TACC1: variants seen among roughly 807,000 people sequenced by gnomAD.
TACC1 encodes the protein transforming acidic coiled-coil-containing protein 1.
A neutral mutation model predicts 84.4 loss-of-function variants in TACC1; 48 were observed. That is an observed-to-expected ratio of 0.57 (90% CI 0.45 to 0.72). The LOEUF (loss-of-function observed/expected upper bound fraction) is 0.72. Ranked by LOEUF, TACC1 falls within the 30% of genes least tolerant of loss-of-function variation. TACC1 has a pLI of 0.00. For missense variants in TACC1, 920 were observed against 973.0 expected, an observed-to-expected ratio of 0.95 and a Z score of 0.72; for synonymous variants, 372 against 376.3, an observed-to-expected ratio of 0.99 and a Z score of 0.13.
chr8:38,787,879 G>A, intron 1 of TACC1, 136 bp downstream of exon 1: 2 of 841,196 alleles, frequency 2.4e-6, no homozygotes, highest in South Asian at 2.0e-5. Flanking sequence ...CCGGAGCCGG[G>A]TCCCCGTGTG....
At chr8:38,729,226 T>C (rs1362928119) in intron 1 of TACC1, among the ~76,000 whole-genome samples, 8 of 152,174 alleles carry the variant, frequency 5.3e-5, no homozygotes, top group Admixed American at 5.2e-4. Context: ...CCCACTGCCA[T>C]AGGGACAACT....
rs1282508580 is a variant in TACC1 at position 38,852,432 on chromosome 8, C to T, written c.*4409C>T. 6.5e-6 allele frequency: 1 copy of T among 152,968 alleles called. No homozygotes were observed. The highest frequency in any genetic ancestry group is 6.5e-5 in the Admixed American group (1 of 15,414). 9.5% of individuals were successfully genotyped at this position (152,968 alleles called of 1,614,324 possible). A position where few individuals can be genotyped will look rare whatever the true frequency, so the allele number is the denominator to read the frequency against. On this transcript the variant is annotated 3_prime_UTR_variant, in exon 13 of 13. Coordinates refer to ENST00000317827, the MANE Select transcript of TACC1 (RefSeq NM_006283.3). ...TTAATTTAGAACTGTCAAGATGTCA[C>T]TTTCTCCCCCTCTGCCTTTTAGTGG...
chr8:38,763,013 G>A (rs1220272275), intron 3 of TACC1, among the ~76,000 whole-genome samples: 1 of 152,104 alleles, frequency 6.6e-6, no homozygotes, highest in East Asian at 1.9e-4. Flanking sequence ...CTTCCATAGT[G>A]GCTGCACCAT....
At chr8:38,809,731 G>GA (rs1001892074) in intron 2 of TACC1, among the ~76,000 whole-genome samples, 4 of 151,904 alleles carry the variant, frequency 2.6e-5, no homozygotes, top group South Asian at 4.2e-4. Flanking sequence ...TGGGTAACAG[G>GA]AAAAAAAAGA....
intron 3 of TACC1, among the ~76,000 whole-genome samples, chr8:38,763,966 A>G (rs1419736828): frequency 6.6e-6 from 1 of 152,216 alleles, no homozygotes; most frequent in Non-Finnish European, 1.5e-5. Flanking sequence ...AATGTATAGC[A>G]AGATTCTAAA....
intron 2 of TACC1, among the ~76,000 whole-genome samples, chr8:38,814,087 A>C (rs1824874130): frequency 1.3e-5 from 2 of 152,178 alleles, no homozygotes. Flanking sequence ...GAGAGAGAGA[A>C]TCTGTTATTT....
At chr8:38,840,426 T>C in intron 9 of TACC1, 159 bp downstream of exon 9, 1 of 595,754 alleles carries the variant, frequency 1.7e-6, no homozygotes, top group South Asian at 2.2e-5. Context: ...ACAGATGAGA[T>C]GTCTGGGGAG....
At chr8:38,842,470 C>T in intron 10 of TACC1, 23 bp downstream of exon 10, 1 of 1,589,832 alleles carries the variant, frequency 6.3e-7, no homozygotes, top group Non-Finnish European at 8.6e-7. Context: ...TTCCCTCTGT[C>T]TCCTGGTGTA....
chr8:38,757,399 A>G, intron 3 of TACC1: 1 of 1,253,478 alleles, frequency 8.0e-7, no homozygotes, highest in Non-Finnish European at 1.0e-6. Context: ...CCCGAGACCC[A>G]CGGAGACCGC....
chr8:38,745,704 C>T (rs1807959952), intron 3 of TACC1, among the ~76,000 whole-genome samples: 1 of 152,132 alleles, frequency 6.6e-6, no homozygotes, highest in Admixed American at 6.5e-5. Flanking sequence ...CCACCACACC[C>T]AGCTAATTTT....
chr8:38,730,239 G>T (rs1043451993), intron 1 of TACC1, among the ~76,000 whole-genome samples: 2 of 152,190 alleles, frequency 1.3e-5, no homozygotes, highest in Admixed American at 1.3e-4. Flanking sequence ...TAGGGAACCC[G>T]CTGGAGGTGG....
intron 1 of TACC1, chr8:38,788,357 A>G (rs562732654): frequency 4.5e-6 from 1 of 222,164 alleles, no homozygotes; most frequent in Admixed American, 5.2e-5. Context: ...GACCAGTATT[A>G]ATTGTTAAAG....
Position 38,847,980 on chromosome 8 carries a change from A to C in TACC1, c.2375A>C (p.Lys792Thr). 2 of 1,614,094 alleles carry C rather than the reference A, an allele frequency of 1.2e-6. No homozygotes were observed. The highest frequency in any genetic ancestry group is 1.7e-6 in the Non-Finnish European group (2 of 1,179,966). ...QKNQEIEELT[K>T]ICDELIAKLG... ...AACCAAGAAATTGAAGAACTGACAA[A>C]AATCTGTGATGAGCTGATTGCAAAG... The change falls in exon 13 of 13, where the codon AAA becomes ACA. Residue 792 changes from lysine to threonine, a missense_variant. Transcript: ENST00000317827.
At chr8:38,736,740 A>G (rs1806038085) in intron 1 of TACC1, among the ~76,000 whole-genome samples, 1 of 152,212 alleles carries the variant, frequency 6.6e-6, no homozygotes, top group Non-Finnish European at 1.5e-5. Context: ...CCTTCAGGAC[A>G]TCTCTAATGG....
chr8:38,826,190 T>TA (rs901347500), intron 4 of TACC1, among the ~76,000 whole-genome samples: 3 of 152,120 alleles, frequency 2.0e-5, no homozygotes, highest in Admixed American at 6.5e-5. Context: ...GTGTAAGATG[T>TA]AAAAAAGGGG....
chr8:38,815,529 C>T (rs1484759414), intron 2 of TACC1, among the ~76,000 whole-genome samples: 1 of 152,082 alleles, frequency 6.6e-6, no homozygotes, highest in Non-Finnish European at 1.5e-5. Context: ...AAGCGATTCT[C>T]CTGTTTCAGC....
chr8:38,739,122 C>T (rs1806576293), intron 1 of TACC1, among the ~76,000 whole-genome samples: 2 of 152,222 alleles, frequency 1.3e-5, no homozygotes, highest in South Asian at 4.1e-4. Context: ...AACTCCTGAC[C>T]TCGTGATCTG....
chr8:38,825,502 C>CAG (rs1827843629), intron 4 of TACC1, 134 bp downstream of exon 4: 2 of 824,018 alleles, frequency 2.4e-6, no homozygotes, highest in African/African-American at 3.4e-5. Context: ...AGCCAATTTC[C>CAG]AGATCCTTAC....
chr8:38,792,687 G>A (rs906648233), intron 2 of TACC1, among the ~76,000 whole-genome samples: 3 of 152,064 alleles, frequency 2.0e-5, no homozygotes, highest in Admixed American at 6.6e-5. Context: ...GGATGGTCTC[G>A]ATCTCCTGAC....
Sources: gnomAD v4.1 joint callset for allele counts (sites outside exome capture counted in the v4.1 genomes callset) on GRCh38, gnomAD v4.1.1 for gene constraint, MANE v1.5 for transcripts, NCBI Gene and HGNC (gene_info 2026-07-23, HGNC 2026-07-21) for gene names.